The following TMEFF2 variants were observed in gnomAD, a reference collection of about 807,000 sequenced individuals.
TMEFF2 encodes transmembrane protein with EGF like and two follistatin like domains 2, also known as tomoregulin-2.
TMEFF2 carries 28 observed loss-of-function variants against 53.8 expected under a neutral mutation model. That is an observed-to-expected ratio of 0.52 (90% CI 0.39 to 0.71). The LOEUF (loss-of-function observed/expected upper bound fraction) is 0.71. Ranked by LOEUF, TMEFF2 falls within the 30% of genes least tolerant of loss-of-function variation. The pLI is 0.00. For synonymous variants in TMEFF2, 162 were observed against 166.3 expected (o/e 0.97, Z 0.20); for missense variants, 353 against 455.2 (o/e 0.78, Z 2.04).
chr2:191,956,984 T>G (rs1692122305), intron 7 of TMEFF2, among the ~76,000 whole-genome samples: 1 of 152,226 alleles, frequency 6.6e-6, no homozygotes, highest in Non-Finnish European at 1.5e-5. Flanking sequence ...TCAAAATCAC[T>G]TATGTAGATA....
chr2:192,003,096 A>G (rs1421450304), intron 5 of TMEFF2, among the ~76,000 whole-genome samples: 1 of 152,150 alleles, frequency 6.6e-6, no homozygotes, highest in South Asian at 2.1e-4. Flanking sequence ...GCAATCCCCA[A>G]CCCGCCCAAT....
intron 7 of TMEFF2, among the ~76,000 whole-genome samples, chr2:191,975,482 T>A (rs930885050): frequency 2.6e-5 from 4 of 151,484 alleles, no homozygotes; most frequent in African/African-American, 9.7e-5. Context: ...GAAAATAGTT[T>A]CTCCAGTTCT....
chr2:192,088,569 C>T (rs921141443), intron 4 of TMEFF2, among the ~76,000 whole-genome samples: 6 of 152,040 alleles, frequency 3.9e-5, no homozygotes, highest in African/African-American at 9.7e-5. Flanking sequence ...ACAAATGAAA[C>T]GATATGCAGA....
At chr2:192,001,099 A>T (rs564826268) in intron 5 of TMEFF2, among the ~76,000 whole-genome samples, 3 of 152,128 alleles carry the variant, frequency 2.0e-5, no homozygotes, top group Non-Finnish European at 2.9e-5. Flanking sequence ...AGGAGTGAGG[A>T]GGTTGACATT....
chr2:192,185,380 T>A (rs762096490), intron 2 of TMEFF2, among the ~76,000 whole-genome samples: 2 of 151,770 alleles, frequency 1.3e-5, no homozygotes, highest in Non-Finnish European at 2.9e-5. Flanking sequence ...ATGTGCTTCA[T>A]TGTTTAATTA....
At chr2:191,988,807 G>GT (rs1559073795) in intron 7 of TMEFF2, among the ~76,000 whole-genome samples, 3 of 147,770 alleles carry the variant, frequency 2.0e-5, no homozygotes, top group South Asian at 4.3e-4. Context: ...TTTTTTTTTT[G>GT]TTTTTTTGAA....
chr2:192,127,361 TTC>T (rs1449294015), intron 4 of TMEFF2, among the ~76,000 whole-genome samples: 3 of 152,234 alleles, frequency 2.0e-5, no homozygotes, highest in Non-Finnish European at 4.4e-5. Context: ...CATTGCTGTT[TTC>T]TGAGTGAACA....
At chr2:192,099,101 A>C (rs1233438117) in intron 4 of TMEFF2, among the ~76,000 whole-genome samples, 1 of 152,156 alleles carries the variant, frequency 6.6e-6, no homozygotes, top group African/African-American at 2.4e-5. Context: ...AAGCATGGAC[A>C]CACTCAGTTG....
intron 4 of TMEFF2, among the ~76,000 whole-genome samples, chr2:192,114,713 A>G (rs1308207098): frequency 1.3e-5 from 2 of 151,600 alleles, no homozygotes; most frequent in Non-Finnish European, 3.0e-5. Flanking sequence ...ACTTGTAAAT[A>G]AACTTAAACA....
At chr2:191,966,217 G>T (rs945184175) in intron 7 of TMEFF2, among the ~76,000 whole-genome samples, 2 of 152,202 alleles carry the variant, frequency 1.3e-5, no homozygotes, top group Non-Finnish European at 2.9e-5. Flanking sequence ...GGGACTGTAA[G>T]TACTGCCTTA....
At chr2:191,956,132 G>T in intron 8 of TMEFF2, 123 bp downstream of exon 8, 2 of 1,043,890 alleles carry the variant, frequency 1.9e-6, no homozygotes, top group South Asian at 3.4e-5. Flanking sequence ...GAGGAGCAGA[G>T]AAAAGTTTTG....
At chr2:192,001,238 GAA>G (rs1686350417) in intron 5 of TMEFF2, among the ~76,000 whole-genome samples, 2 of 152,154 alleles carry the variant, frequency 1.3e-5, no homozygotes, top group South Asian at 4.1e-4. Context: ...CTGAAAAACA[GAA>G]AGGTATGTTC....
chr2:192,179,679 G>T lies in TMEFF2; in HGVS notation c.428C>A (p.Ser143Tyr). 6.5e-7 allele frequency: 1 copy of T among 1,529,768 alleles called. No homozygotes were observed. The highest frequency in any genetic ancestry group is 8.7e-7 in the Non-Finnish European group (1 of 1,145,964). 94.8% of individuals were successfully genotyped at this position (1,529,768 alleles called of 1,614,324 possible). ...AAGGCAACTCCTACCTCCATCTCCA[G>T]ATCCTGATCCTGCATCTGTGGGGGG... ...GSCATDAGSGSGDGVHEGSGE... is the reference protein window; with the variant it reads ...GSCATDAGSGYGDGVHEGSGE... The change falls in exon 4 of 10, where the codon TCT (serine) becomes TAT (tyrosine). Residue 143 changes from serine (S) to tyrosine (Y), a missense_variant. Physicochemically the swap from Ser to Tyr is moderately radical, Grantham distance 144 (BLOSUM62 -2). Coordinates refer to ENST00000272771, the MANE Select transcript of TMEFF2 (RefSeq NM_016192.4).
At chr2:191,970,143 G>C (rs548816434) in intron 7 of TMEFF2, among the ~76,000 whole-genome samples, 1 of 152,018 alleles carries the variant, frequency 6.6e-6, no homozygotes, top group Non-Finnish European at 1.5e-5. Context: ...GTAGATTTCC[G>C]TGTTGTCCCT....
intron 4 of TMEFF2, among the ~76,000 whole-genome samples, chr2:192,119,673 G>A (rs1184530860): frequency 6.6e-6 from 1 of 152,204 alleles, no homozygotes; most frequent in Non-Finnish European, 1.5e-5. Flanking sequence ...ATAAATCTGT[G>A]TGAGAATGGA....
At chr2:192,039,679 T>G (rs1378354751) in intron 5 of TMEFF2, among the ~76,000 whole-genome samples, 1 of 152,220 alleles carries the variant, frequency 6.6e-6, no homozygotes, top group Admixed American at 6.5e-5. Context: ...CAGGAAACAC[T>G]ATCCTAGGAC....
intron 4 of TMEFF2, among the ~76,000 whole-genome samples, chr2:192,151,475 T>G (rs1690386531): frequency 6.6e-6 from 1 of 151,876 alleles, no homozygotes; most frequent in Non-Finnish European, 1.5e-5. Context: ...TGTCTGAACC[T>G]GAATCTAAGA....
chr2:192,135,722 C>T (rs1478590298), intron 4 of TMEFF2, among the ~76,000 whole-genome samples: 1 of 152,126 alleles, frequency 6.6e-6, no homozygotes, highest in African/African-American at 2.4e-5. Context: ...TCCCCTGTGA[C>T]TTGCACATAT....
intron 4 of TMEFF2, among the ~76,000 whole-genome samples, chr2:192,175,924 T>C (rs147344536): frequency 1.5e-4 from 22 of 151,594 alleles, no homozygotes; most frequent in South Asian, 6.2e-4. Context: ...GAGATATTCA[T>C]AGCATTGTCT....
Sources: allele counts gnomAD v4.1 joint callset (sites outside exome capture counted in the v4.1 genomes callset), GRCh38; gene constraint gnomAD v4.1.1; transcripts MANE v1.5; gene names NCBI Gene and HGNC (gene_info 2026-07-23, HGNC 2026-07-21).